SLC67A2: variants seen among roughly 807,000 people sequenced by gnomAD.
SLC67A2 encodes solute carrier family 67 member A2.
chr2:102,732,516 C>T, the SLC67A2 span: 1 of 899,592 alleles, frequency 1.1e-6, no homozygotes, highest in Non-Finnish European at 1.7e-6. Flanking sequence ...AAATTTTAAA[C>T]ACGTAAGAAA....
At chr2:102,732,212 C>T in the SLC67A2 span, 3 of 962,824 alleles carry the variant, frequency 3.1e-6, no homozygotes, top group Admixed American at 1.8e-5. Context: ...TATCTCATTT[C>T]CCACTTACCT....
At chr2:102,726,894 G>T in the SLC67A2 span, 1 of 1,611,838 alleles carries the variant, frequency 6.2e-7, no homozygotes, top group Non-Finnish European at 8.5e-7. Context: ...TGGCTGCTCC[G>T]AGAAGGAGAT....
At chr2:102,719,237 C>T in the SLC67A2 span, 11 of 1,591,584 alleles carry the variant, frequency 6.9e-6, no homozygotes, top group Non-Finnish European at 9.4e-6. Context: ...CCGGTTAAAG[C>T]ATCTGAATGC....
the SLC67A2 span, among the ~76,000 whole-genome samples, chr2:102,733,209 A>G: frequency 2.6e-5 from 4 of 152,100 alleles, no homozygotes; most frequent in African/African-American, 9.7e-5. Flanking sequence ...TTTTCTTTTA[A>G]TTTTGTTCTT....
chr2:102,727,052 AC>A, the SLC67A2 span: 2 of 1,513,534 alleles, frequency 1.3e-6, no homozygotes, highest in East Asian at 4.7e-5. Context: ...AAACAAAGTG[AC>A]CAGGGGAAAA....
chr2:102,736,366 C>A, the SLC67A2 span, among the ~76,000 whole-genome samples: 2 of 152,116 alleles, frequency 1.3e-5, no homozygotes, highest in African/African-American at 2.4e-5. Flanking sequence ...CACCTGGTCA[C>A]ACCTGAGGTT....
chr2:102,731,217 CT>C, the SLC67A2 span: 19 of 570,216 alleles, frequency 3.3e-5, no homozygotes, highest in Non-Finnish European at 5.3e-5. Context: ...TTTTTTTCTA[CT>C]TGGAAAAATG....
chr2:102,728,540 A>C, the SLC67A2 span, among the ~76,000 whole-genome samples: 5 of 152,294 alleles, frequency 3.3e-5, no homozygotes, highest in African/African-American at 9.6e-5. Flanking sequence ...AAACCTTCCA[A>C]AATACTGTCA....
At chr2:102,720,845 G>A in the SLC67A2 span, among the ~76,000 whole-genome samples, 4 of 152,174 alleles carry the variant, frequency 2.6e-5, no homozygotes, top group South Asian at 2.1e-4. Context: ...GAGTAAAAGC[G>A]TTGACGAAAA....
the SLC67A2 span, chr2:102,718,441 A>G: frequency 1.2e-6 from 2 of 1,613,726 alleles, no homozygotes; most frequent in Non-Finnish European, 1.7e-6. Flanking sequence ...TTAATTTACT[A>G]TTCCCATCAC....
the SLC67A2 span, among the ~76,000 whole-genome samples, chr2:102,715,283 C>T: frequency 6.6e-6 from 1 of 152,206 alleles, no homozygotes; most frequent in African/African-American, 2.4e-5. Context: ...TCAACCCGAG[C>T]ATGGCAGCCG....
the SLC67A2 span, chr2:102,718,266 A>G: frequency 2.4e-6 from 2 of 829,998 alleles, no homozygotes; most frequent in East Asian, 2.5e-5. Flanking sequence ...GCATGGCTGC[A>G]TGGCCAAGAG....
chr2:102,736,694 G>A, the SLC67A2 span: 3 of 1,611,976 alleles, frequency 1.9e-6, no homozygotes, highest in Non-Finnish European at 1.7e-6. Context: ...GGGCTCCGAC[G>A]GCACCGGAGT....
the SLC67A2 span, chr2:102,736,586 C>T: frequency 6.2e-6 from 10 of 1,613,060 alleles, no homozygotes; most frequent in East Asian, 1.8e-4. Flanking sequence ...CAAGAACCGC[C>T]TGGGTCCCCA....
the SLC67A2 span, chr2:102,727,058 G>T: frequency 1.1e-5 from 16 of 1,442,682 alleles, no homozygotes; most frequent in Non-Finnish European, 5.6e-6. Flanking sequence ...AGTGACCAGG[G>T]GAAAACAATG....
chr2:102,731,693 A>C, the SLC67A2 span, among the ~76,000 whole-genome samples: 2 of 152,210 alleles, frequency 1.3e-5, no homozygotes, highest in African/African-American at 4.8e-5. Flanking sequence ...TATTATGTAC[A>C]AGACTGTCCA....
chr2:102,722,679 T>G, the SLC67A2 span, among the ~76,000 whole-genome samples: 4 of 151,892 alleles, frequency 2.6e-5, no homozygotes, highest in Admixed American at 2.6e-4. Flanking sequence ...GACCTGAAAC[T>G]GTAAAAGAAG....
At chr2:102,732,628 A>G in the SLC67A2 span, among the ~76,000 whole-genome samples, 1 of 152,208 alleles carries the variant, frequency 6.6e-6, no homozygotes, top group African/African-American at 2.4e-5. Context: ...CTCAAGGAGG[A>G]TATGCTACAG....
the SLC67A2 span, chr2:102,723,989 A>G: frequency 8.4e-7 from 1 of 1,193,924 alleles, no homozygotes; most frequent in South Asian, 1.3e-5. Flanking sequence ...CTTAACCTCT[A>G]TCCCTGATGG....
Sources: gnomAD v4.1 joint callset for allele counts (sites outside exome capture counted in the v4.1 genomes callset) on GRCh38, gnomAD v4.1.1 for gene constraint, MANE v1.5 for transcripts, NCBI Gene and HGNC (gene_info 2026-07-23, HGNC 2026-07-21) for gene names.